Variants in IGFN1 observed in about 807,000 individuals in gnomAD.
IGFN1 encodes the protein immunoglobulin-like and fibronectin type III domain-containing protein 1.
A neutral mutation model predicts 289.5 loss-of-function variants in IGFN1; 253 were observed. The ratio of observed to expected loss-of-function variants is 0.87; its 90% CI spans 0.79 to 0.97. The LOEUF is 0.97. Among genes scored for constraint, IGFN1 ranks in the 50% least tolerant of loss-of-function variants. The pLI is 0.00. For synonymous variants in IGFN1, 1,706 were observed against 1,788.5 expected (o/e 0.95, Z 1.16); for missense variants, 4,470 against 4,686.1 (o/e 0.95, Z 1.35).
Position 201,210,396 on chromosome 1 carries a change from G to C in IGFN1, c.5503G>C (p.Gly1835Arg). The C allele has an allele frequency of 1.3e-6, 1 of 793,448 alleles. No individual in the cohort carries two copies. Among genetic ancestry groups the C allele is most frequent in the East Asian group, 1.3e-4 (1 of 7,484 alleles). The allele number at this position is 793,448 out of a possible 1,614,324, so 49.2% of individuals were successfully genotyped here. ...GGGAATGGGTTCAGGGAGTAAGGCA[G>C]GTTTCAGGGATGGTTTAGGGGGTTC... is the stretch of plus-strand genomic sequence containing the variant. Reference protein sequence around the residue: ...PEGMGSGSKAGFRDGLGGSGE... With the variant: ...PEGMGSGSKARFRDGLGGSGE... Residue 1835 changes from glycine to arginine, a missense_variant, in exon 12 of 24, where the codon GGT (glycine) becomes CGT (arginine). Coordinates refer to ENST00000335211, the MANE Select transcript of IGFN1 (RefSeq NM_001164586.2).
At position 201,215,141 on chromosome 1, in the gene IGFN1, C is replaced by T; in HGVS notation, c.8982C>T (p.Thr2994=). Residue 2994 remains threonine (T), a synonymous_variant, in exon 14 of 24, where the codon ACC becomes ACT. Transcript: ENST00000335211. The part of the protein sequence containing the change: ...FVAGDQQSEA[T]LTVQDSPTIA... The stretch of plus-strand genomic sequence containing the variant: ...CTGGTGACCAGCAGAGCGAGGCCAC[C>T]CTGACCGTCCAGGGTAAGGCCCAGC... The T allele has an allele frequency of 6.2e-7, 1 of 1,613,078 alleles. No individual in the cohort carries two copies. The highest frequency in any genetic ancestry group is 8.5e-7 in the Non-Finnish European group (1 of 1,179,874).
Position 201,215,121 on chromosome 1 carries a change from GAC to G in IGFN1, c.8963_8964del (p.Asp2988AlafsTer57). On this transcript the variant is annotated frameshift_variant, in exon 14 of 24. Coordinates refer to ENST00000335211, the MANE Select transcript of IGFN1 (RefSeq NM_001164586.2). LOFTEE classifies it high-confidence loss of function. Reference sequence around the variant, plus strand: ...TGGGAGGTACACCTTTGTAGCTGGTGACCAGCAGAGCGAGGCCACCCTGACCG... The same window carrying G: ...TGGGAGGTACACCTTTGTAGCTGGTGCAGCAGAGCGAGGCCACCCTGACCG... ...QAGRYTFVAG[D>X]QQSEATLTVQ... The G allele has an allele frequency of 6.2e-7, 1 of 1,613,802 alleles. No individual in the cohort carries two copies. The highest frequency in any genetic ancestry group is 8.5e-7 in the Non-Finnish European group (1 of 1,180,018).
Position 201,200,394 on chromosome 1 carries a change from G to C in IGFN1, c.616G>C (p.Glu206Gln), listed in dbSNP as rs745773014. ...RRLQEMKKEQ[E>Q]DKMAQYINTI... ...GCTGCAGGAGATGAAGAAGGAACAG[G>C]AGGACAAGATGGCACAGGTGCCTCA... is the stretch of plus-strand genomic sequence containing the variant. The change falls in exon 8 of 24, where the codon GAG becomes CAG. Residue 206 changes from glutamate (E) to glutamine (Q), a missense_variant. Coordinates refer to ENST00000335211, the MANE Select transcript of IGFN1 (RefSeq NM_001164586.2). 2.6e-6 allele frequency: 4 copies of C among 1,551,678 alleles called. No individual in the cohort carries two copies. Among genetic ancestry groups the C allele is most frequent in the Non-Finnish European group, 3.5e-6 (4 of 1,146,980 alleles).
rs146825487 is a variant in IGFN1 at position 201,208,767 on chromosome 1, T to A, written c.3874T>A (p.Leu1292Met). ...SVDKEGYKKD[L>M]GAPENMGSGS... ...GGATAAGGAAGGTTATAAGAAAGATTTGGGGGCTCCTGAGAATATGGGTTC... is the reference window on the plus strand; with the variant it reads ...GGATAAGGAAGGTTATAAGAAAGATATGGGGGCTCCTGAGAATATGGGTTC... Residue 1292 changes from leucine (L) to methionine (M), a missense_variant, in exon 12 of 24, where the codon TTG becomes ATG. Transcript: ENST00000335211. 1.3e-4 allele frequency: 194 copies of A among 1,536,312 alleles called. 1 individual carries two copies. In the African/African-American group the frequency reaches 2.3e-3, roughly 18 times the overall value.
chr1:201,195,621 A>G (rs961556521), intron 3 of IGFN1, among the ~76,000 whole-genome samples: 1 of 152,140 alleles, frequency 6.6e-6, no homozygotes, highest in Non-Finnish European at 1.5e-5. Context: ...TCTGCAATAT[A>G]GAAAGAGGAA....
At position 201,211,574 on chromosome 1, in the gene IGFN1, G is replaced by T; in HGVS notation, c.6681G>T (p.Gly2227=). The change falls in exon 12 of 24, where the codon GGG becomes GGT. Residue 2227 remains glycine, a synonymous_variant. Transcript: ENST00000335211. ...DLGAPKGMGS[G]SKAGFRDGLG... ...GGGCTCCTAAGGGAATGGGTTCAGGGAGTAAGGCAGGTTTCAGGGATGGTT... is the reference window on the plus strand; with the variant it reads ...GGGCTCCTAAGGGAATGGGTTCAGGTAGTAAGGCAGGTTTCAGGGATGGTT... The T allele has an allele frequency of 6.5e-7, 1 of 1,534,048 alleles. No individual in the cohort carries two copies. Among genetic ancestry groups the T allele is most frequent in the Non-Finnish European group, 8.7e-7 (1 of 1,145,788 alleles).
rs1653381285 is a variant in IGFN1, at chr1:201,217,367, G to A, written c.9676G>A (p.Gly3226Ser). ...GITLTWTAPRGPGSAHILGYL... is the reference protein window; with the variant it reads ...GITLTWTAPRSPGSAHILGYL... ...CACACTGACATGGACAGCACCTCGGGGCCCCGGCAGCGCCCACATCCTGGG... is the reference window on the plus strand; with the variant it reads ...CACACTGACATGGACAGCACCTCGGAGCCCCGGCAGCGCCCACATCCTGGG... Residue 3226 changes from glycine to serine, a missense_variant, in exon 17 of 24, where the codon GGC becomes AGC. By Grantham distance (56) the Gly-to-Ser change is moderately conservative. Coordinates refer to ENST00000335211, the MANE Select transcript of IGFN1 (RefSeq NM_001164586.2). 6.2e-7 allele frequency: 1 copy of A among 1,614,168 alleles called. No individual in the cohort carries two copies.
In IGFN1 at chr1:201,207,928, G is replaced by T; in HGVS notation, c.3035G>T (p.Gly1012Val). Residue 1012 changes from glycine (G) to valine (V), a missense_variant, in exon 12 of 24, where the codon GGC (glycine) becomes GTC (valine). Physicochemically the swap from Gly to Val is moderately radical, Grantham distance 109. Transcript: ENST00000335211. ...ESEEGGGYRHGSGAPGGVWSG... is the reference protein window; with the variant it reads ...ESEEGGGYRHVSGAPGGVWSG... ...GAGGAAGGGGGTGGGTACAGGCATG[G>T]CTCCGGAGCGCCTGGGGGAGTGTGG... The T allele has an allele frequency of 6.5e-7, 1 of 1,536,876 alleles. No individual in the cohort carries two copies. The highest frequency in any genetic ancestry group is 8.7e-7 in the Non-Finnish European group (1 of 1,146,798).
At chr1:201,194,026 A>G (rs1666772556) in intron 2 of IGFN1, 128 bp from the exon 3 acceptor site, 1 of 1,068,736 alleles carries the variant, frequency 9.4e-7, no homozygotes, top group African/African-American at 1.6e-5. Flanking sequence ...AATAATCCTG[A>G]CCCAAAAGTA....
At chr1:201,227,890 T>C (rs1654217616) in intron 23 of IGFN1, among the ~76,000 whole-genome samples, 1 of 152,246 alleles carries the variant, frequency 6.6e-6, no homozygotes, top group African/African-American at 2.4e-5. Flanking sequence ...TATGTCAAGA[T>C]ATGAACACTT....
intron 22 of IGFN1, among the ~76,000 whole-genome samples, 159 bp from the exon 23 acceptor site, chr1:201,226,723 T>G (rs1338008949): frequency 6.6e-6 from 1 of 152,214 alleles, no homozygotes. Context: ...AAGGATAGAA[T>G]GAGGCAAGCC....
chr1:201,227,472 G>C (rs566206065), intron 23 of IGFN1, among the ~76,000 whole-genome samples: 72 of 151,430 alleles, frequency 4.8e-4, no homozygotes, highest in Non-Finnish European at 8.5e-4. Context: ...TTGTTGCCCA[G>C]GTTGGAGTGC....
chr1:201,214,593 C>T (rs1653073229), intron 13 of IGFN1, among the ~76,000 whole-genome samples: 1 of 152,102 alleles, frequency 6.6e-6, no homozygotes, highest in African/African-American at 2.4e-5. Context: ...AGGCCTCGTA[C>T]AAATGCCATC....
chr1:201,203,606 A>G, intron 9 of IGFN1, 132 bp from the exon 10 acceptor site: 3 of 775,312 alleles, frequency 3.9e-6, no homozygotes, highest in South Asian at 3.7e-5. Flanking sequence ...CAGCTCCTCT[A>G]TGGTTCCAGG....
chr1:201,200,465 C>T lies in IGFN1; in HGVS notation c.633+54C>T. On this transcript the variant is annotated intron_variant, in intron 8 of 23. Transcript: ENST00000335211. ...CCATGCCCACCCCACACACCTGGAC[C>T]ATAGGTGCCTCACACCTGGAGGTGG... is the stretch of plus-strand genomic sequence containing the variant. The T allele has an allele frequency of 9.2e-6, 13 of 1,420,212 alleles. 1 individual carries two copies. The South Asian group carries it at 1.4e-4, about 15-fold the overall frequency. The allele number at this position is 1,420,212 out of a possible 1,614,324, so 88.0% of individuals were successfully genotyped here.
Position 201,215,598 on chromosome 1 carries a change from G to A in IGFN1, c.9055G>A (p.Ala3019Thr), listed in dbSNP as rs750266807. ...ACTGAGAGAGCCACTGGTGGTCAAG[G>A]CTGGGAAGCCGGTGATAGTGAAGAT... ...EKLREPLVVK[A>T]GKPVIVKIPF... Residue 3019 changes from alanine to threonine, a missense_variant, in exon 15 of 24, where the codon GCT becomes ACT. Transcript: ENST00000335211. 6 of 1,612,332 alleles carry A rather than the reference G, an allele frequency of 3.7e-6. No individual in the cohort carries two copies. The East Asian group carries it at 1.3e-4, about 36-fold the overall frequency.
intron 15 of IGFN1, chr1:201,216,065 TTC>T: frequency 4.2e-6 from 3 of 713,052 alleles, no homozygotes; most frequent in Non-Finnish European, 7.8e-6. Context: ...CCGGTTATGC[TTC>T]TCTGACCCCA....
At position 201,212,858 on chromosome 1, in the gene IGFN1, G is replaced by A. The variant is rs1236217788; in HGVS notation, c.7965G>A (p.Gln2655=). ...GCTCCAGAGCTTCCGGTTCTCTGCA[G>A]GAGAAAGATGCCGCTTTTGGTGGGA... ...PAGSRASGSL[Q]EKDAAFGGTH... The change falls in exon 12 of 24, where the codon CAG becomes CAA. Residue 2655 remains glutamine, a synonymous_variant. Transcript: ENST00000335211. 6.4e-6 allele frequency: 10 copies of A among 1,551,298 alleles called. No individual in the cohort carries two copies. The highest frequency in any genetic ancestry group is 2.4e-5 in the East Asian group (1 of 40,920).
At position 201,213,187 on chromosome 1, in the gene IGFN1, G is replaced by T; in HGVS notation, c.8294G>T (p.Gly2765Val). ...ACCCAGGACCTGAGCTCTCAGCGAG[G>T]CAAGGGACAGAGAGGAGGAAAGAGG... is the stretch of plus-strand genomic sequence containing the variant. ...GGTQDLSSQR[G>V]KGQRGGKRSL... Residue 2765 changes from glycine (G) to valine (V), a missense_variant, in exon 12 of 24, where the codon GGC becomes GTC. Physicochemically the swap from Gly to Val is moderately radical, Grantham distance 109 (BLOSUM62 -3). Coordinates refer to ENST00000335211, the MANE Select transcript of IGFN1 (RefSeq NM_001164586.2). The T allele has an allele frequency of 6.4e-7, 1 of 1,551,684 alleles. No individual in the cohort carries two copies. The highest frequency in any genetic ancestry group is 8.7e-7 in the Non-Finnish European group (1 of 1,146,968).
Sources: gnomAD v4.1 joint callset for allele counts (sites outside exome capture counted in the v4.1 genomes callset) on GRCh38, gnomAD v4.1.1 for gene constraint, MANE v1.5 for transcripts, NCBI Gene and HGNC (gene_info 2026-07-23, HGNC 2026-07-21) for gene names.